The following CABIN1 variants were observed in gnomAD, a reference collection of about 807,000 sequenced individuals.
The protein encoded by CABIN1 is calcineurin-binding protein cabin-1.
A neutral mutation model predicts 227.7 loss-of-function variants in CABIN1; 133 were observed. The observed-to-expected ratio is 0.58, with a 90% CI of 0.51 to 0.67. The LOEUF (loss-of-function observed/expected upper bound fraction) is 0.67, where lower values mean the gene tolerates loss of function less well. CABIN1 is among the 30% of genes least tolerant of loss of function. The pLI is 0.00. For synonymous variants in CABIN1, 1,086 were observed against 1,155.1 expected (o/e 0.94, Z 1.21); for missense variants, 2,408 against 2,852.5 (o/e 0.84, Z 3.55).
chr22:24,164,273 A>G, intron 29 of CABIN1, 127 bp from the exon 30 acceptor site: 2 of 1,185,886 alleles, frequency 1.7e-6, no homozygotes, highest in South Asian at 2.5e-5. Flanking sequence ...AGAGGGGTCC[A>G]AGAAGCCCCT....
chr22:24,135,813 G>GT (rs1363849134), intron 29 of CABIN1, among the ~76,000 whole-genome samples: 2 of 152,318 alleles, frequency 1.3e-5, no homozygotes, highest in Admixed American at 6.5e-5. Context: ...CTGGAGGGGT[G>GT]TAACAGGCCA....
chr22:24,138,260 G>C (rs541360247), intron 29 of CABIN1, among the ~76,000 whole-genome samples: 1 of 152,176 alleles, frequency 6.6e-6, no homozygotes, highest in Non-Finnish European at 1.5e-5. Context: ...GTGACCAAAT[G>C]GGGGGCAGAT....
chr22:24,048,178 T>TA (rs1438964684), intron 6 of CABIN1, among the ~76,000 whole-genome samples: 9 of 151,682 alleles, frequency 5.9e-5, no homozygotes, highest in East Asian at 3.9e-4. Context: ...GTTTTTTTTT[T>TA]AAAAAAAGGA....
At chr22:24,174,291 G>A (rs567212647) in intron 34 of CABIN1, among the ~76,000 whole-genome samples, 21 of 150,290 alleles carry the variant, frequency 1.4e-4, no homozygotes, top group Admixed American at 1.4e-3. Flanking sequence ...ACTACGCCTG[G>A]GTAATTTTTG....
At chr22:24,064,300 G>A in intron 15 of CABIN1, 113 bp downstream of exon 15, 2 of 1,156,056 alleles carry the variant, frequency 1.7e-6, no homozygotes, top group Non-Finnish European at 2.5e-6. Flanking sequence ...ACACCTCTGG[G>A]GTTCAAGGGA....
At chr22:24,036,417 C>T (rs929734356) in intron 3 of CABIN1, among the ~76,000 whole-genome samples, 2 of 152,230 alleles carry the variant, frequency 1.3e-5, no homozygotes, top group Non-Finnish European at 2.9e-5. Context: ...CCCAGGCCTA[C>T]TTCCATGCAC....
intron 24 of CABIN1, 63 bp downstream of exon 24, chr22:24,091,906 C>G: frequency 6.3e-7 from 1 of 1,591,064 alleles, no homozygotes; most frequent in Non-Finnish European, 8.6e-7. Flanking sequence ...CTTTATCTCC[C>G]TGGGCATGTG....
At chr22:24,144,367 C>G (rs1205740562) in intron 29 of CABIN1, among the ~76,000 whole-genome samples, 1 of 152,232 alleles carries the variant, frequency 6.6e-6, no homozygotes, top group Non-Finnish European at 1.5e-5. Context: ...CATCAGAGAG[C>G]AGGGCTGAGA....
At chr22:24,023,676 T>C (rs1423594026) in intron 1 of CABIN1, among the ~76,000 whole-genome samples, 1 of 152,214 alleles carries the variant, frequency 6.6e-6, no homozygotes, top group Admixed American at 6.5e-5. Context: ...AAGCATCTTA[T>C]GCACTTACAG....
chr22:24,165,928 G>A (rs879827976), intron 31 of CABIN1, among the ~76,000 whole-genome samples: 8 of 152,240 alleles, frequency 5.3e-5, no homozygotes, highest in Non-Finnish European at 1.0e-4. Context: ...CCCTCTCCCT[G>A]GCAGGCTGAC....
intron 26 of CABIN1, chr22:24,101,744 C>T (rs183141755): frequency 6.6e-6 from 1 of 152,314 alleles, no homozygotes; most frequent in East Asian, 1.9e-4. Context: ...CGAGGTGACC[C>T]GAGGAGCACA....
At chr22:24,140,179 G>T (rs1261453715) in intron 29 of CABIN1, among the ~76,000 whole-genome samples, 3 of 152,204 alleles carry the variant, frequency 2.0e-5, no homozygotes, top group African/African-American at 7.2e-5. Flanking sequence ...TGGGATGGGT[G>T]CTAAGGATCG....
At chr22:24,062,054 G>A in intron 13 of CABIN1, 29 bp downstream of exon 13, 1 of 1,573,990 alleles carries the variant, frequency 6.4e-7, no homozygotes, top group Non-Finnish European at 8.7e-7. Flanking sequence ...TCTGTGGCCA[G>A]GCTAATATCT....
In CABIN1 at chr22:24,134,285, A is replaced by T; in HGVS notation, c.4633-17A>T. The T allele has an allele frequency of 1.2e-6, 2 of 1,605,026 alleles. No homozygotes were observed. The highest frequency in any genetic ancestry group is 1.7e-6 in the Non-Finnish European group (2 of 1,173,106). On this transcript the variant is annotated splice_polypyrimidine_tract_variant and intron_variant, in intron 28 of 36. Transcript: ENST00000263119. Reference sequence around the variant, plus strand: ...CAGCCCACACACTCACTTTCAACCTACTTCTTGTTTCCCCAGAACCTCCAG... The same window carrying T: ...CAGCCCACACACTCACTTTCAACCTTCTTCTTGTTTCCCCAGAACCTCCAG...
intron 1 of CABIN1, among the ~76,000 whole-genome samples, chr22:24,015,326 T>G (rs2035185035): frequency 6.7e-6 from 1 of 149,318 alleles, no homozygotes; most frequent in African/African-American, 2.5e-5. Context: ...ACCCCATATC[T>G]GTTCATAGAG....
chr22:24,078,513 G>A (rs1056668830), intron 19 of CABIN1, among the ~76,000 whole-genome samples: 1 of 152,034 alleles, frequency 6.6e-6, no homozygotes, highest in Non-Finnish European at 1.5e-5. Context: ...CCTTTTGTGT[G>A]GATTATTTTC....
At chr22:24,029,755 C>T (rs2036360110) in intron 1 of CABIN1, among the ~76,000 whole-genome samples, 1 of 152,020 alleles carries the variant, frequency 6.6e-6, no homozygotes, top group Non-Finnish European at 1.5e-5. Flanking sequence ...TCTCATGGAC[C>T]TAATGTATGT....
In CABIN1 at chr22:24,126,624, G is replaced by A. The variant is rs2043740916; in HGVS notation, c.4632+6926G>A. Among the ~76,000 whole-genome samples, 3 of 152,296 alleles carry A rather than the reference G, an allele frequency of 2.0e-5. No individual in the cohort carries two copies. The East Asian group carries it at 5.8e-4, about 29-fold the overall frequency. On this transcript the variant is annotated intron_variant, in intron 28 of 36. Transcript: ENST00000263119. ...TGACTAGATGGGCAAGGAGGAGAGA[G>A]GAAGAAGATGAGGTCAGAGGCTTTC...
intron 2 of CABIN1, 27 bp downstream of exon 2, chr22:24,035,547 C>T (rs368328330): frequency 1.9e-5 from 31 of 1,613,702 alleles, no homozygotes; most frequent in East Asian, 8.9e-5. Context: ...GCCTATTTTG[C>T]GGACCTCAGT....
Sources: gnomAD v4.1 joint callset for allele counts (sites outside exome capture counted in the v4.1 genomes callset) on GRCh38, gnomAD v4.1.1 for gene constraint, MANE v1.5 for transcripts, NCBI Gene and HGNC (gene_info 2026-07-23, HGNC 2026-07-21) for gene names.